PHACTR3: variants seen among roughly 807,000 people sequenced by gnomAD.
PHACTR3 encodes the protein protein phosphatase 1, regulatory subunit 123.
PHACTR3 carries 16 observed loss-of-function variants against 66.8 expected under a neutral mutation model. The observed-to-expected ratio is 0.24, with a 90% confidence interval of 0.16 to 0.36. PHACTR3 has a LOEUF of 0.36. Among genes scored for constraint, PHACTR3 ranks in the 10% least tolerant of loss-of-function variants. The pLI is 1.00. For missense variants in PHACTR3, 647 were observed against 719.9 expected (o/e 0.90, Z 1.16); for synonymous variants, 323 against 292.1 (o/e 1.11, Z -1.08).
intron 1 of PHACTR3, among the ~76,000 whole-genome samples, chr20:59,719,961 C>T (rs2038232658): frequency 6.6e-6 from 1 of 152,132 alleles, no homozygotes; most frequent in East Asian, 1.9e-4. Context: ...CAGCTGGTTG[C>T]ATTTTGTTTT....
intron 8 of PHACTR3, among the ~76,000 whole-genome samples, chr20:59,827,500 C>G (rs547266287): frequency 6.6e-6 from 1 of 152,160 alleles, no homozygotes; most frequent in Non-Finnish European, 1.5e-5. Context: ...GTGCAGCTTG[C>G]GGAGCCCAGG....
chr20:59,790,719 C>A (rs959069930), intron 7 of PHACTR3, among the ~76,000 whole-genome samples: 1 of 152,186 alleles, frequency 6.6e-6, no homozygotes, highest in Non-Finnish European at 1.5e-5. Context: ...TTTTGTAAGA[C>A]ATCAGAATTA....
intron 1 of PHACTR3, among the ~76,000 whole-genome samples, chr20:59,579,666 C>T (rs1281489140): frequency 1.3e-5 from 2 of 152,318 alleles, no homozygotes; most frequent in Non-Finnish European, 2.9e-5. Flanking sequence ...AGAGAAAGCT[C>T]CTCATGGCTG....
chr20:59,724,968 C>T (rs536843103), intron 1 of PHACTR3, among the ~76,000 whole-genome samples: 78 of 151,024 alleles, frequency 5.2e-4, no homozygotes, highest in African/African-American at 1.9e-3. Flanking sequence ...GTGCTCTGTG[C>T]TTAGTGAGGC....
intron 4 of PHACTR3, among the ~76,000 whole-genome samples, chr20:59,755,969 G>T (rs2039778889): frequency 6.6e-6 from 1 of 152,198 alleles, no homozygotes; most frequent in Non-Finnish European, 1.5e-5. Context: ...AAAAGTAATG[G>T]ACCTACATCA....
At chr20:59,759,824 G>T (rs746438741) in intron 4 of PHACTR3, among the ~76,000 whole-genome samples, 1 of 152,194 alleles carries the variant, frequency 6.6e-6, no homozygotes, top group African/African-American at 2.4e-5. Flanking sequence ...TCATCTAATG[G>T]CAGACAAAGC....
At position 59,642,079 on chromosome 20, in the gene PHACTR3, A is replaced by G. The variant is rs113627808; in HGVS notation, c.118+36947A>G. ...GGTCTGTGGGTGATCATTGGCTTGCATTTTGTAGTGGCATGGCCCGTGGAG... is the reference window on the plus strand; with the variant it reads ...GGTCTGTGGGTGATCATTGGCTTGCGTTTTGTAGTGGCATGGCCCGTGGAG... On this transcript the variant is annotated intron_variant, in intron 1 of 12. Transcript: ENST00000371015. Among the ~76,000 whole-genome samples the G allele has an allele frequency of 7.2e-3, 1,089 of 152,166 alleles. 23 individuals carry two copies. Among genetic ancestry groups the G allele is most frequent in the African/African-American group, 0.025 (1,056 of 41,490 alleles).
At chr20:59,845,536 A>G (rs1249335888) in intron 12 of PHACTR3, among the ~76,000 whole-genome samples, 1 of 152,174 alleles carries the variant, frequency 6.6e-6, no homozygotes, top group Non-Finnish European at 1.5e-5. Flanking sequence ...CAAGGCAATG[A>G]AAGTAATTTT....
chr20:59,733,072 C>CTT (rs35384852), intron 1 of PHACTR3, among the ~76,000 whole-genome samples: 4,277 of 127,852 alleles, frequency 0.033, 265 homozygotes, highest in African/African-American at 0.12. Flanking sequence ...AAATTCACTC[C>CTT]TTTTTTTTTT....
rs142980840 is a variant in PHACTR3, at chr20:59,812,914, T to C, written c.1328+6720T>C. ...GGGCAGAGAGGCTAAGCAGTGTCCC[T>C]GGGTCTCACAGTTCATGAATGGCCA... On this transcript the variant is annotated intron_variant, in intron 8 of 12. Coordinates refer to ENST00000371015, the MANE Select transcript of PHACTR3 (RefSeq NM_080672.5). Among the ~76,000 whole-genome samples the C allele has an allele frequency of 5.1e-4, 78 of 152,250 alleles. 2 individuals are homozygous for C. The highest frequency in any genetic ancestry group is 1.8e-3 in the African/African-American group (76 of 41,542).
intron 1 of PHACTR3, among the ~76,000 whole-genome samples, chr20:59,611,485 T>G (rs1261990641): frequency 6.6e-6 from 1 of 152,236 alleles, no homozygotes; most frequent in Non-Finnish European, 1.5e-5. Context: ...CTGATCTGGC[T>G]AGGGGCCAGG....
chr20:59,772,666 G>A (rs2040398648), intron 5 of PHACTR3, among the ~76,000 whole-genome samples: 1 of 152,198 alleles, frequency 6.6e-6, no homozygotes. Context: ...CAGCTAGGGA[G>A]CCGAGTGGGG....
chr20:59,813,258 C>T (rs1020879682), intron 8 of PHACTR3, among the ~76,000 whole-genome samples: 6 of 152,306 alleles, frequency 3.9e-5, no homozygotes, highest in Non-Finnish European at 2.9e-5. Context: ...GGGTCACTCC[C>T]GGAGCAGGGC....
chr20:59,696,565 C>T (rs2037305767), intron 1 of PHACTR3, among the ~76,000 whole-genome samples: 1 of 152,174 alleles, frequency 6.6e-6, no homozygotes, highest in Admixed American at 6.5e-5. Context: ...ATGCTCTTCA[C>T]ACCTAAGCAG....
At chr20:59,761,519 G>T (rs907329066) in intron 4 of PHACTR3, among the ~76,000 whole-genome samples, 4 of 152,212 alleles carry the variant, frequency 2.6e-5, no homozygotes, top group Non-Finnish European at 5.9e-5. Context: ...GTGGTAACTG[G>T]CTGCAAAGTG....
intron 8 of PHACTR3, among the ~76,000 whole-genome samples, chr20:59,814,818 T>C (rs2041839762): frequency 6.6e-6 from 1 of 152,112 alleles, no homozygotes; most frequent in Non-Finnish European, 1.5e-5. Context: ...CTGAAGACAC[T>C]GGGGTCTGGA....
At chr20:59,718,684 G>C (rs1425367785) in intron 1 of PHACTR3, among the ~76,000 whole-genome samples, 3 of 152,264 alleles carry the variant, frequency 2.0e-5, no homozygotes, top group Admixed American at 2.0e-4. Flanking sequence ...TGCCAATTTT[G>C]TGGGTCGATG....
rs186942704 is a variant in PHACTR3 at position 59,760,445 on chromosome 20, T to C, written c.541+5081T>C. 2.3e-3 allele frequency among the ~76,000 whole-genome samples: 343 copies of C among 152,260 alleles called. 3 individuals are homozygous for C. Among genetic ancestry groups the C allele is most frequent in the South Asian group, 4.2e-3 (20 of 4,818 alleles). ...GTGGGAGGGACCTGGTGGGAGATCA[T>C]TGAATCATGGGGGTGGTTTCCCCAG... is the stretch of plus-strand genomic sequence containing the variant. On this transcript the variant is annotated intron_variant, in intron 4 of 12. Transcript: ENST00000371015.
At chr20:59,778,786 T>C (rs1463167324) in intron 7 of PHACTR3, among the ~76,000 whole-genome samples, 1 of 152,144 alleles carries the variant, frequency 6.6e-6, no homozygotes, top group Non-Finnish European at 1.5e-5. Flanking sequence ...GGAGCCCTCA[T>C]CCCTGGACTG....
Sources: allele counts gnomAD v4.1 joint callset (sites outside exome capture counted in the v4.1 genomes callset), GRCh38; gene constraint gnomAD v4.1.1; transcripts MANE v1.5; gene names NCBI Gene and HGNC (gene_info 2026-07-23, HGNC 2026-07-21).